Variants in SEM1 observed in about 807,000 individuals in gnomAD.
SEM1 encodes the protein 26S proteasome complex subunit SEM1.
SEM1 carries 3 observed loss-of-function variants against 12.7 expected under a neutral mutation model. That is an observed-to-expected ratio of 0.24 (90% CI 0.11 to 0.61). The LOEUF is 0.61. SEM1 is among the 20% of genes least tolerant of loss of function. The probability of loss-of-function intolerance (pLI) is 0.88; values close to 1 mark genes in which losing one functional copy is unlikely to be tolerated. For synonymous variants in SEM1, 30 were observed against 27.8 expected (o/e 1.08, Z -0.25); for missense variants, 59 against 81.3 (o/e 0.73, Z 1.06).
chr7:96,660,113 C>A (rs934333668), intron 2 of SEM1, among the ~76,000 whole-genome samples: 29 of 151,898 alleles, frequency 1.9e-4, no homozygotes, highest in Non-Finnish European at 4.4e-5. Flanking sequence ...AAAAACTAAC[C>A]ATGCAAATAC....
intron 2 of SEM1, among the ~76,000 whole-genome samples, chr7:96,617,518 G>T (rs2116265959): frequency 6.6e-6 from 1 of 152,036 alleles, no homozygotes; most frequent in East Asian, 1.9e-4. Flanking sequence ...CTCCTATTTG[G>T]ATGTTTTTAT....
intron 2 of SEM1, among the ~76,000 whole-genome samples, chr7:96,648,127 A>G (rs1808861678): frequency 6.6e-6 from 1 of 152,214 alleles, no homozygotes; most frequent in Non-Finnish European, 1.5e-5. Context: ...TTATTTGTCT[A>G]AAGGGGCCTA....
In SEM1 at chr7:96,615,241, C is replaced by CTTTTTTT. The variant is rs60940244; in HGVS notation, c.170+79550_170+79556dup. Among the ~76,000 whole-genome samples, 32 of 126,432 alleles carry CTTTTTTT rather than the reference C, an allele frequency of 2.5e-4. 2 individuals carry two copies. Among genetic ancestry groups the CTTTTTTT allele is most frequent in the African/African-American group, 5.7e-4 (18 of 31,530 alleles). The allele number at this position is 126,432 out of a possible 152,430, so 82.9% of individuals were successfully genotyped here. On this transcript the variant is annotated intron_variant and NMD_transcript_variant, in intron 2 of 3. Coordinates refer to the SEM1 transcript ENST00000466986. Reference sequence around the variant, plus strand: ...ACTGTTGGGTTATTTTTTGAGTCATCTTTTTTTTTTTTTTTTTTTTTTTTG... The same window carrying CTTTTTTT: ...ACTGTTGGGTTATTTTTTGAGTCATCTTTTTTTTTTTTTTTTTTTTTTTTTTTTTTTG...
intron 1 of SEM1, among the ~76,000 whole-genome samples, chr7:96,703,767 G>C (rs78223947): frequency 2.0e-5 from 3 of 151,858 alleles, no homozygotes; most frequent in Non-Finnish European, 4.4e-5. Context: ...GCAACATAAC[G>C]AGACCAAATC....
At chr7:96,693,504 A>G (rs774729904) in intron 2 of SEM1, among the ~76,000 whole-genome samples, 12 of 152,214 alleles carry the variant, frequency 7.9e-5, no homozygotes, top group Non-Finnish European at 1.8e-4. Context: ...TCTTCATTAC[A>G]TTGAATTTGC....
At chr7:96,556,598 A>C (rs1805510588) in intron 2 of SEM1, among the ~76,000 whole-genome samples, 3 of 150,134 alleles carry the variant, frequency 2.0e-5, no homozygotes, top group Admixed American at 6.7e-5. Flanking sequence ...GGGTAACCCG[A>C]CCTTTCTCTC....
chr7:96,550,306 T>C (rs1355119179), intron 2 of SEM1, among the ~76,000 whole-genome samples: 1 of 152,182 alleles, frequency 6.6e-6, no homozygotes, highest in African/African-American at 2.4e-5. Context: ...TGTTTAATTG[T>C]TTAACATACC....
intron 2 of SEM1, among the ~76,000 whole-genome samples, chr7:96,652,191 A>G (rs919959758): frequency 2.6e-5 from 4 of 152,194 alleles, no homozygotes; most frequent in African/African-American, 7.2e-5. Flanking sequence ...AAGTCAAGTG[A>G]ACACTTTATA....
chr7:96,628,734 G>A (rs775489475), intron 2 of SEM1, among the ~76,000 whole-genome samples: 1 of 152,118 alleles, frequency 6.6e-6, no homozygotes, highest in Non-Finnish European at 1.5e-5. Flanking sequence ...TATTACCAGT[G>A]AGTTTTGTAG....
At chr7:96,676,535 T>C (rs571745061) in intron 2 of SEM1, among the ~76,000 whole-genome samples, 101 of 152,336 alleles carry the variant, frequency 6.6e-4, no homozygotes, top group African/African-American at 2.4e-3. Context: ...GTTAACCCTT[T>C]ACATTCATTA....
chr7:96,650,664 A>T (rs1808946693), intron 2 of SEM1: 2 of 625,380 alleles, frequency 3.2e-6, no homozygotes, highest in Admixed American at 2.5e-5. Flanking sequence ...ACAAACACAC[A>T]GAAACACACA....
At chr7:96,526,081 G>A (rs967435752) in intron 2 of SEM1, among the ~76,000 whole-genome samples, 1 of 151,968 alleles carries the variant, frequency 6.6e-6, no homozygotes, top group Non-Finnish European at 1.5e-5. Context: ...ATACCTATTA[G>A]CAGTCATTCC....
At chr7:96,551,358 T>G (rs937979483) in intron 2 of SEM1, among the ~76,000 whole-genome samples, 1 of 152,038 alleles carries the variant, frequency 6.6e-6, no homozygotes, top group African/African-American at 2.4e-5. Context: ...ACAAGATAAT[T>G]CTGTATTATC....
At chr7:96,560,553 A>G (rs1290192403) in intron 2 of SEM1, among the ~76,000 whole-genome samples, 1 of 152,088 alleles carries the variant, frequency 6.6e-6, no homozygotes, top group Non-Finnish European at 1.5e-5. Flanking sequence ...TATATATTCC[A>G]AATACGTTTT....
intron 2 of SEM1, among the ~76,000 whole-genome samples, chr7:96,532,087 C>A (rs1261645917): frequency 6.6e-6 from 1 of 152,002 alleles, no homozygotes; most frequent in African/African-American, 2.4e-5. Context: ...AGGTTCCGGG[C>A]CCTTTGATAT....
intron 3 of SEM1, among the ~76,000 whole-genome samples, chr7:96,506,125 T>C (rs1399249455): frequency 2.0e-5 from 3 of 152,124 alleles, no homozygotes; most frequent in Admixed American, 6.6e-5. Flanking sequence ...TCCTGAGTCC[T>C]TTTGAAATGA....
intron 2 of SEM1, among the ~76,000 whole-genome samples, chr7:96,631,304 G>T (rs1399664532): frequency 6.6e-6 from 1 of 152,204 alleles, no homozygotes; most frequent in South Asian, 2.1e-4. Context: ...ACTGCTGGGG[G>T]TCAGTGATTC....
At chr7:96,542,632 G>T (rs992963816) in intron 2 of SEM1, among the ~76,000 whole-genome samples, 6 of 151,768 alleles carry the variant, frequency 4.0e-5, no homozygotes, top group African/African-American at 1.5e-4. Context: ...CTAATAAAAA[G>T]CTTTGTTAAA....
chr7:96,646,502 GT>G (rs967095508), intron 2 of SEM1, among the ~76,000 whole-genome samples: 12 of 152,076 alleles, frequency 7.9e-5, no homozygotes, highest in African/African-American at 2.9e-4. Context: ...ATTGTCTTGA[GT>G]TTTTTTCTCT....
Sources: allele counts gnomAD v4.1 joint callset (sites outside exome capture counted in the v4.1 genomes callset), GRCh38; gene constraint gnomAD v4.1.1; transcripts MANE v1.5; gene names NCBI Gene and HGNC (gene_info 2026-07-23, HGNC 2026-07-21).